BAZ2A: variants seen among roughly 807,000 people sequenced by gnomAD.
BAZ2A encodes bromodomain adjacent to zinc finger domain protein 2A.
A neutral mutation model predicts 199.9 loss-of-function variants in BAZ2A; 34 were observed. That is an observed-to-expected ratio of 0.17 (90% CI 0.13 to 0.23). BAZ2A has a LOEUF of 0.23. Ranked by LOEUF, BAZ2A falls within the 10% of genes least tolerant of loss-of-function variation. The pLI, the probability that BAZ2A is intolerant of heterozygous loss-of-function variation, is 1.00. For synonymous variants in BAZ2A, 857 were observed against 883.9 expected (o/e 0.97, Z 0.54); for missense variants, 2,002 against 2,391.1 (o/e 0.84, Z 3.39).
chr12:56,601,868 C>G lies in BAZ2A; in HGVS notation c.3749G>C (p.Gly1250Ala). ...GCTCTGACCCAGTGACAAAGGGGAG[C>G]CTTCTTGCTCCAGGAACCCCTTATG... is the stretch of plus-strand genomic sequence containing the variant. ...QSHKGFLEQE[G>A]SPLSLGQSQH... The change falls in exon 20 of 29, where the codon GGC (glycine) becomes GCC (alanine). Residue 1250 changes from glycine (G) to alanine (A), a missense_variant. By Grantham distance (60) the Gly-to-Ala change is moderately conservative. This residue lies in a region of BAZ2A where 1,081 missense variants were observed against 1,274.7 expected (regional missense o/e 0.85). Transcript: ENST00000549884. 1.2e-6 allele frequency: 2 copies of G among 1,613,848 alleles called. No homozygotes were observed. The highest frequency in any genetic ancestry group is 1.7e-6 in the Non-Finnish European group (2 of 1,179,838).
At chr12:56,608,489 G>A (rs1263166791) in intron 10 of BAZ2A, among the ~76,000 whole-genome samples, 1 of 152,050 alleles carries the variant, frequency 6.6e-6, no homozygotes, top group Non-Finnish European at 1.5e-5. Context: ...CACTACACCA[G>A]GGTAAACACA....
intron 1 of BAZ2A, chr12:56,621,089 C>T (rs1950907451): frequency 1.0e-6 from 1 of 985,278 alleles, no homozygotes; most frequent in Non-Finnish European, 1.2e-6. Flanking sequence ...CTGATCCTCA[C>T]CTCTCCTCTC....
At chr12:56,624,806 C>T (rs1430851962) in intron 1 of BAZ2A, among the ~76,000 whole-genome samples, 1 of 152,056 alleles carries the variant, frequency 6.6e-6, no homozygotes, top group Non-Finnish European at 1.5e-5. Flanking sequence ...CCTGTAGTGC[C>T]AGGTTCTCCG....
At chr12:56,622,922 G>T (rs953237889) in intron 1 of BAZ2A, among the ~76,000 whole-genome samples, 14 of 152,150 alleles carry the variant, frequency 9.2e-5, no homozygotes, top group African/African-American at 3.1e-4. Flanking sequence ...GCTACTCTGT[G>T]GGCCTGTGAC....
chr12:56,627,045 TA>T (rs1339908571), intron 1 of BAZ2A, among the ~76,000 whole-genome samples: 3 of 152,232 alleles, frequency 2.0e-5, no homozygotes, highest in African/African-American at 7.2e-5. Flanking sequence ...CACACAATCA[TA>T]AGTGTCTATC....
At chr12:56,607,608 T>C (rs894107071) in intron 10 of BAZ2A, among the ~76,000 whole-genome samples, 6 of 152,184 alleles carry the variant, frequency 3.9e-5, no homozygotes, top group African/African-American at 1.2e-4. Context: ...CCTGACCTCA[T>C]GATCCGCTGG....
In BAZ2A at chr12:56,602,067, CAGG is replaced by C. The variant is rs1350259878; in HGVS notation, c.3547_3549del (p.Pro1183del). ...TTTCGAGGTCGGCCTCGGGCCCGGG[CAGG>C]AGAACTGGCAGTGGTGTTGGAGCCA... On this transcript the variant is annotated inframe_deletion, in exon 20 of 29. Coordinates refer to ENST00000549884, the MANE Select transcript of BAZ2A (RefSeq NM_001300905.2). 8.9e-6 allele frequency: 14 copies of C among 1,566,174 alleles called. No individual in the cohort carries two copies. The highest frequency in any genetic ancestry group is 1.4e-5 in the African/African-American group (1 of 73,764).
In BAZ2A at chr12:56,615,320, C is replaced by T. The variant is rs748824264; in HGVS notation, c.424G>A (p.Ala142Thr). 3.7e-6 allele frequency: 6 copies of T among 1,613,772 alleles called. No homozygotes were observed. The African/African-American group carries it at 5.3e-5, about 14-fold the overall frequency. Residue 142 changes from alanine (A) to threonine (T), a missense_variant, in exon 3 of 29, where the codon GCT (alanine) becomes ACT (threonine). Physicochemically the swap from Ala to Thr is moderately conservative, Grantham distance 58. Around this residue, in one of 6 missense-constraint regions of BAZ2A, gnomAD observed 641 missense variants for 694.5 expected, o/e 0.92. Transcript: ENST00000549884. ...SSPSHNTNLR[A>T]GSQEFWANGT... ...TTGGCCCAGAACTCTTGGCTCCCAG[C>T]CCGAAGGTTAGTGTTATGACTTGGG...
chr12:56,608,761 G>T (rs1337102043), intron 10 of BAZ2A, among the ~76,000 whole-genome samples: 1 of 150,452 alleles, frequency 6.6e-6, no homozygotes, highest in African/African-American at 2.4e-5. Flanking sequence ...TAGAGACAGG[G>T]TTTCTTCATG....
rs1053778342 is a variant in BAZ2A at position 56,600,062 on chromosome 12, G to A, written c.4927C>T (p.Arg1643Cys). ...CTCCGGCACCGCTCGAGGGTCTGGC[G>A]CCAGACACGAATGCGAGGGGTGATC... is the stretch of plus-strand genomic sequence containing the variant. ...YEITPRIRVW[R>C]QTLERCRSAA... is the part of the protein sequence containing the mutation. Residue 1643 changes from arginine to cysteine, a missense_variant, in exon 25 of 29, where the codon CGC (arginine) becomes TGC (cysteine). Around this residue, in one of 6 missense-constraint regions of BAZ2A, gnomAD observed 1,081 missense variants for 1,274.7 expected, o/e 0.85. Coordinates refer to ENST00000549884, the MANE Select transcript of BAZ2A (RefSeq NM_001300905.2). The A allele has an allele frequency of 2.5e-6, 4 of 1,613,948 alleles. No individual in the cohort carries two copies. The highest frequency in any genetic ancestry group is 1.3e-5 in the African/African-American group (1 of 74,946).
rs1007323268 is a variant in BAZ2A, at chr12:56,599,027, C to A, written c.5403-16G>T. ...CAGGATAATCCTATCATTAGAGGGACAATGATGGCTCCATCTCAGGAAGCA... is the reference window on the plus strand; with the variant it reads ...CAGGATAATCCTATCATTAGAGGGAAAATGATGGCTCCATCTCAGGAAGCA... On this transcript the variant is annotated splice_polypyrimidine_tract_variant and intron_variant, in intron 27 of 28. Transcript: ENST00000549884. The A allele has an allele frequency of 6.2e-7, 1 of 1,609,608 alleles. No homozygotes were observed. The highest frequency in any genetic ancestry group is 1.3e-5 in the African/African-American group (1 of 74,848).
intron 16 of BAZ2A, among the ~76,000 whole-genome samples, chr12:56,603,914 G>A (rs1310709520): frequency 6.6e-6 from 1 of 152,206 alleles, no homozygotes; most frequent in Non-Finnish European, 1.5e-5. Context: ...TTGGGAGGCT[G>A]AGGCAGAAGA....
At position 56,597,637 on chromosome 12, in the gene BAZ2A, GACACACACAC is replaced by G. The variant is rs35960815; in HGVS notation, c.*971_*980del. The G allele has an allele frequency of 0.1, 12,808 of 127,178 alleles. 691 individuals carry two copies. The highest frequency in any genetic ancestry group is 0.16 in the African/African-American group (4,709 of 29,420). The allele number at this position is 127,178 out of a possible 1,614,324, so 7.9% of individuals were successfully genotyped here. ...CACACACACAGCGCGCTCTGAGGCC[GACACACACAC>G]ACACACACACACACACACACACACA... On this transcript the variant is annotated 3_prime_UTR_variant, in exon 29 of 29. Coordinates refer to ENST00000549884, the MANE Select transcript of BAZ2A (RefSeq NM_001300905.2).
rs1315029850 is a variant in BAZ2A, at chr12:56,605,937, C to T, written c.2386G>A (p.Asp796Asn). 6.4e-7 allele frequency: 1 copy of T among 1,565,230 alleles called. No homozygotes were observed. Among genetic ancestry groups the T allele is most frequent in the Non-Finnish European group, 8.7e-7 (1 of 1,154,252 alleles). Residue 796 changes from aspartate (D) to asparagine (N), a missense_variant, in exon 13 of 29, where the codon GAT becomes AAT. This residue lies in a region of BAZ2A where 1,081 missense variants were observed against 1,274.7 expected (regional missense o/e 0.85). Coordinates refer to ENST00000549884, the MANE Select transcript of BAZ2A (RefSeq NM_001300905.2). ...VTKAKPACKA[D>N]KTLATQRRLE... ...CGCCTCTGTGTGGCCAGGGTCTTAT[C>T]TGCTTTACAGGCTGGCTTGGCTTTG...
chr12:56,599,634 G>A, intron 26 of BAZ2A, 68 bp downstream of exon 26: 2 of 1,605,118 alleles, frequency 1.2e-6, no homozygotes, highest in Non-Finnish European at 1.7e-6. Flanking sequence ...TCTTTCCAAG[G>A]AGAGGAGAGA....
intron 1 of BAZ2A, among the ~76,000 whole-genome samples, chr12:56,627,465 C>CA (rs34107563): frequency 0.13 from 14,074 of 112,254 alleles, 863 homozygotes; most frequent in African/African-American, 0.14. Context: ...GACTCCATCT[C>CA]AAAAAAAAAA....
At chr12:56,604,001 A>C (rs1312981486) in intron 16 of BAZ2A, among the ~76,000 whole-genome samples, 1 of 152,088 alleles carries the variant, frequency 6.6e-6, no homozygotes. Flanking sequence ...CGACAGAGGA[A>C]GACTCCATCT....
Position 56,612,631 on chromosome 12 carries a change from C to CT in BAZ2A, c.1135+383dup, listed in dbSNP as rs988994944. ...CCAGCAAGGTGCTCTTGCTTTCCTA[C>CT]TTTTTTTTTGAGATGGAGTCTTGCT... On this transcript the variant is annotated intron_variant, in intron 5 of 28. Transcript: ENST00000549884. Among the ~76,000 whole-genome samples, 20 of 151,650 alleles carry CT rather than the reference C, an allele frequency of 1.3e-4. No individual in the cohort carries two copies. In the East Asian group the frequency reaches 3.5e-3, roughly 27 times the overall value.
intron 1 of BAZ2A, among the ~76,000 whole-genome samples, chr12:56,629,544 C>T (rs1270064541): frequency 6.6e-6 from 1 of 152,202 alleles, no homozygotes; most frequent in Non-Finnish European, 1.5e-5. Flanking sequence ...GACGCGAGGG[C>T]CCCAAGCCAA....
Sources: allele counts gnomAD v4.1 joint callset (sites outside exome capture counted in the v4.1 genomes callset), GRCh38; gene constraint gnomAD v4.1.1; regional missense constraint gnomAD v4.1.1; transcripts MANE v1.5; gene names NCBI Gene and HGNC (gene_info 2026-07-23, HGNC 2026-07-21).